Variants in GLIS3 observed in about 807,000 individuals in gnomAD.
The protein encoded by GLIS3 is GLIS family zinc finger 3, also known as zinc finger protein GLIS3.
Under a neutral mutation model 78.6 loss-of-function variants are expected in GLIS3, and 53 were observed. The ratio of observed to expected loss-of-function variants is 0.67; its 90% CI spans 0.54 to 0.85. The LOEUF (loss-of-function observed/expected upper bound fraction) is 0.85, where lower values mean the gene tolerates loss of function less well. Ranked by LOEUF, GLIS3 falls within the 40% of genes least tolerant of loss-of-function variation. The pLI is 0.00. For missense variants in GLIS3, 1,703 were observed against 1,231.1 expected, an observed-to-expected ratio of 1.38 and a Z score of -5.74; for synonymous variants, 684 against 509.9, an observed-to-expected ratio of 1.34 and a Z score of -4.60.
chr9:4,193,896 C>T (rs759638807), intron 2 of GLIS3, among the ~76,000 whole-genome samples: 3 of 152,202 alleles, frequency 2.0e-5, no homozygotes, highest in Non-Finnish European at 4.4e-5. Context: ...CCCTGGCTGA[C>T]GAATGAACAT....
intron 9 of GLIS3, among the ~76,000 whole-genome samples, chr9:3,839,251 C>G (rs2130049628): frequency 6.6e-6 from 1 of 152,246 alleles, no homozygotes; most frequent in South Asian, 2.1e-4. Context: ...CAAAATTCAT[C>G]CAACCATTCT....
At chr9:3,987,263 A>C (rs1819815447) in intron 4 of GLIS3, among the ~76,000 whole-genome samples, 1 of 152,182 alleles carries the variant, frequency 6.6e-6, no homozygotes, top group African/African-American at 2.4e-5. Context: ...AATAAAATTT[A>C]CCCAATTTCA....
At chr9:4,009,057 C>G (rs1463914367) in intron 4 of GLIS3, among the ~76,000 whole-genome samples, 1 of 152,152 alleles carries the variant, frequency 6.6e-6, no homozygotes, top group East Asian at 1.9e-4. Context: ...TCCGATATTC[C>G]TTCTCTTCTC....
intron 4 of GLIS3, among the ~76,000 whole-genome samples, chr9:4,044,816 C>T (rs114241111): frequency 6.6e-5 from 10 of 152,200 alleles, no homozygotes; most frequent in Admixed American, 2.6e-4. Context: ...TTCTTTTTAT[C>T]TTTGGGCAGA....
At chr9:3,878,021 G>A (rs991024319) in intron 8 of GLIS3, among the ~76,000 whole-genome samples, 1 of 152,076 alleles carries the variant, frequency 6.6e-6, no homozygotes, top group African/African-American at 2.4e-5. Context: ...CATCAGCCAT[G>A]TATGCCTGGA....
chr9:4,410,457 GTATA>G, the GLIS3 span, among the ~76,000 whole-genome samples: 1 of 152,132 alleles, frequency 6.6e-6, no homozygotes, highest in Non-Finnish European at 1.5e-5. Context: ...AGGATTTTAA[GTATA>G]TATAAAGAAT....
At chr9:4,077,433 G>A (rs62521689) in intron 4 of GLIS3, among the ~76,000 whole-genome samples, 8,390 of 152,230 alleles carry the variant, frequency 0.055, 475 homozygotes, top group African/African-American at 0.14. Flanking sequence ...ACTGGGCATA[G>A]TTGGCCTGGA....
intron 2 of GLIS3, among the ~76,000 whole-genome samples, chr9:4,165,594 C>T (rs1835819130): frequency 6.6e-6 from 1 of 152,248 alleles, no homozygotes; most frequent in Non-Finnish European, 1.5e-5. Context: ...AGTTTCACTG[C>T]AGCAGAATCA....
chr9:4,208,647 A>T (rs1335133897), intron 2 of GLIS3, among the ~76,000 whole-genome samples: 1 of 152,136 alleles, frequency 6.6e-6, no homozygotes, highest in African/African-American at 2.4e-5. Flanking sequence ...TCTGTTAGGG[A>T]ATAGTATGTT....
chr9:4,088,725 C>T (rs1031401505), intron 4 of GLIS3, among the ~76,000 whole-genome samples: 1 of 152,192 alleles, frequency 6.6e-6, no homozygotes, highest in Non-Finnish European at 1.5e-5. Context: ...TACAGTTTAG[C>T]GTGGCATTCC....
intron 6 of GLIS3, among the ~76,000 whole-genome samples, chr9:3,903,228 T>C (rs1440321890): frequency 6.6e-6 from 1 of 152,222 alleles, no homozygotes; most frequent in Non-Finnish European, 1.5e-5. Context: ...TCAGACCTCA[T>C]AATAATACAT....
chr9:4,345,624 A>G lies in GLIS3; in HGVS notation n.264+1457T>C, dbSNP rs147006609. On this transcript the variant is annotated intron_variant and non_coding_transcript_variant, in intron 2 of 4. Transcript: ENST00000471664. ...TCTTGTTCCTCTTTCCCCCATCCTT[A>G]AAAACTTTAAATGTAGCAGATTGGA... 4.1e-4 allele frequency among the ~76,000 whole-genome samples: 63 copies of G among 152,352 alleles called. No individual in the cohort carries two copies. The South Asian group carries it at 1.0e-2, about 24-fold the overall frequency.
intron 1 of GLIS3, among the ~76,000 whole-genome samples, chr9:4,297,802 G>C (rs1467954195): frequency 6.6e-6 from 1 of 152,230 alleles, no homozygotes; most frequent in Non-Finnish European, 1.5e-5. Context: ...CCTGCCAAGA[G>C]GAGGGCTGGA....
chr9:4,407,710 A>G, the GLIS3 span, among the ~76,000 whole-genome samples: 2 of 152,234 alleles, frequency 1.3e-5, no homozygotes, highest in Non-Finnish European at 2.9e-5. Context: ...TGGTCTGGGC[A>G]AGAATTTATC....
intron 4 of GLIS3, among the ~76,000 whole-genome samples, chr9:4,033,500 T>C (rs1824028270): frequency 6.6e-6 from 1 of 152,240 alleles, no homozygotes; most frequent in Non-Finnish European, 1.5e-5. Flanking sequence ...GCAGACTCCC[T>C]ATCCCATGGG....
At position 3,937,177 on chromosome 9, in the gene GLIS3, C is replaced by T. The variant is rs780390959; in HGVS notation, c.1723G>A (p.Glu575Lys). 1.7e-5 allele frequency: 27 copies of T among 1,613,946 alleles called. No homozygotes were observed. The East Asian group carries it at 3.3e-4, about 20-fold the overall frequency. ...KPNKCTFEGC[E>K]KAFSRLENLK... is the part of the protein sequence containing the mutation. ...TTTTCAAGCCTTGAAAAGGCCTTCT[C>T]GCAACCTTCAAACTGCAAAAAGAAA... The change falls in exon 5 of 11, where the codon GAG becomes AAG. Residue 575 changes from glutamate to lysine, a missense_variant. Coordinates refer to ENST00000381971, the MANE Select transcript of GLIS3 (RefSeq NM_001042413.2).
chr9:4,421,346 G>A, the GLIS3 span, among the ~76,000 whole-genome samples: 92 of 152,298 alleles, frequency 6.0e-4, no homozygotes, highest in African/African-American at 2.2e-3. Context: ...GAAAGATGCT[G>A]TCAAGCAAAA....
chr9:4,432,091 A>G, the GLIS3 span, among the ~76,000 whole-genome samples: 2 of 152,166 alleles, frequency 1.3e-5, no homozygotes, highest in Admixed American at 6.5e-5. Flanking sequence ...GCATTTGGCC[A>G]GTCAGTAGAG....
chr9:4,454,411 C>T, the GLIS3 span, among the ~76,000 whole-genome samples: 2 of 152,154 alleles, frequency 1.3e-5, no homozygotes, highest in South Asian at 2.1e-4. Flanking sequence ...CTGCACATAC[C>T]TCTAATTTTA....
Sources: allele counts gnomAD v4.1 joint callset (sites outside exome capture counted in the v4.1 genomes callset), GRCh38; gene constraint gnomAD v4.1.1; transcripts MANE v1.5; gene names NCBI Gene and HGNC (gene_info 2026-07-23, HGNC 2026-07-21).